Variants in HELLS observed in about 807,000 individuals in gnomAD.
The protein encoded by HELLS is helicase, lymphoid specific, also known as lymphoid-specific helicase.
In HELLS, 32 loss-of-function variants were observed where a neutral mutation model predicts 120.0. The ratio of observed to expected loss-of-function variants is 0.27; its 90% CI spans 0.20 to 0.36. The LOEUF (loss-of-function observed/expected upper bound fraction) is 0.36, where lower values mean the gene tolerates loss of function less well. HELLS is among the 10% of genes least tolerant of loss of function. The probability of loss-of-function intolerance (pLI) is 1.00; values close to 1 mark genes in which losing one functional copy is unlikely to be tolerated. For synonymous variants in HELLS, 341 were observed against 323.4 expected (o/e 1.05, Z -0.58); for missense variants, 650 against 993.4 (o/e 0.65, Z 4.65).
chr10:94,566,126 C>T (rs1444914542), intron 6 of HELLS, among the ~76,000 whole-genome samples: 1 of 151,966 alleles, frequency 6.6e-6, no homozygotes, highest in Non-Finnish European at 1.5e-5. Flanking sequence ...TTTTTGGGCT[C>T]CTGCCTCGGC....
At chr10:94,554,289 A>T in intron 3 of HELLS, 41 bp downstream of exon 3, 1 of 1,419,936 alleles carries the variant, frequency 7.0e-7, no homozygotes, top group East Asian at 2.5e-5. Flanking sequence ...GCTTAAAAAA[A>T]TTTAAAAATA....
At chr10:94,570,357 C>T (rs1362638227) in intron 6 of HELLS, 3 of 152,112 alleles carry the variant, frequency 2.0e-5, no homozygotes, top group African/African-American at 7.2e-5. Flanking sequence ...TTTTACAGGA[C>T]AGCTTTTATC....
chr10:94,587,544 C>T (rs187269466), intron 12 of HELLS, among the ~76,000 whole-genome samples: 2 of 152,254 alleles, frequency 1.3e-5, no homozygotes, highest in Non-Finnish European at 2.9e-5. Flanking sequence ...TCTCCTGCCT[C>T]AGCCTCTTGA....
At chr10:94,580,162 T>TATATACAC (rs1396139651) in intron 10 of HELLS, among the ~76,000 whole-genome samples, 2 of 47,600 alleles carry the variant, frequency 4.2e-5, no homozygotes, top group African/African-American at 8.6e-5. Context: ...TATATATATA[T>TATATACAC]ACACACACAC....
At chr10:94,547,673 A>G (rs1201615035) in intron 2 of HELLS, among the ~76,000 whole-genome samples, 2 of 152,196 alleles carry the variant, frequency 1.3e-5, no homozygotes, top group East Asian at 3.8e-4. Flanking sequence ...AGTATAAACA[A>G]TTGCTATTAT....
At chr10:94,582,296 G>A (rs1226434280) in intron 11 of HELLS, among the ~76,000 whole-genome samples, 2 of 152,130 alleles carry the variant, frequency 1.3e-5, no homozygotes, top group Non-Finnish European at 2.9e-5. Flanking sequence ...AAGAATTCCA[G>A]GTCCTGTGCA....
chr10:94,575,996 C>A (rs898555551), intron 9 of HELLS, among the ~76,000 whole-genome samples: 1 of 152,094 alleles, frequency 6.6e-6, no homozygotes, highest in Non-Finnish European at 1.5e-5. Context: ...GGGGTTTCTC[C>A]ATGTTGGTCA....
At chr10:94,607,246 G>A (rs1352127490) in intron 8 of HELLS, among the ~76,000 whole-genome samples, 2 of 152,120 alleles carry the variant, frequency 1.3e-5, no homozygotes, top group African/African-American at 4.8e-5. Flanking sequence ...GGGTTTTTTA[G>A]TGAAAACCTC....
intron 15 of HELLS, among the ~76,000 whole-genome samples, chr10:94,591,263 C>A (rs1845476528): frequency 1.3e-5 from 2 of 152,126 alleles, no homozygotes; most frequent in South Asian, 4.1e-4. Flanking sequence ...TTCACTATTT[C>A]TTTTATCATT....
Position 94,601,760 on chromosome 10 carries a change from A to G in HELLS, c.*138A>G. On this transcript the variant is annotated 3_prime_UTR_variant, in exon 22 of 22. Transcript: ENST00000348459. ...TGTAACTAGTACCATGCGTACTTAA[A>G]TAGATGGTAATTTTCTGAGCCTTAC... 1 of 499,838 alleles carries G rather than the reference A, an allele frequency of 2.0e-6. No individual in the cohort carries two copies. The highest frequency in any genetic ancestry group is 3.5e-6 in the Non-Finnish European group (1 of 281,700). 31.0% of individuals were successfully genotyped at this position (499,838 alleles called of 1,614,324 possible). A position where few individuals can be genotyped will look rare whatever the true frequency, so the allele number is the denominator to read the frequency against.
At chr10:94,597,226 T>C in intron 21 of HELLS, 115 bp downstream of exon 21, 2 of 573,800 alleles carry the variant, frequency 3.5e-6, no homozygotes, top group Middle Eastern at 3.2e-4. Flanking sequence ...TGTTTTATTG[T>C]CATTTTTCTT....
At chr10:94,607,811 G>T in intron 8 of HELLS, 1 of 255,364 alleles carries the variant, frequency 3.9e-6, no homozygotes, top group East Asian at 1.5e-4. Flanking sequence ...TGCAGCCTCT[G>T]CCTCCGAGCG....
At chr10:94,580,156 T>TATATA (rs1844780996) in intron 10 of HELLS, among the ~76,000 whole-genome samples, 12 of 49,204 alleles carry the variant, frequency 2.4e-4, no homozygotes, top group African/African-American at 1.4e-3. Context: ...TATATATATA[T>TATATA]ATATATACAC....
In HELLS at chr10:94,579,859, C is replaced by A. The variant is rs79615890; in HGVS notation, c.1033-1467C>A. The stretch of plus-strand genomic sequence containing the variant: ...TCTACTCAGTAGTATAACATGAAGA[C>A]CCTTCCTGTAATGAAATAGTTAAGC... On this transcript the variant is annotated intron_variant, in intron 10 of 21. Transcript: ENST00000348459. Among the ~76,000 whole-genome samples, 4 of 152,082 alleles carry A rather than the reference C, an allele frequency of 2.6e-5. No homozygotes were observed. The East Asian group carries it at 7.7e-4, about 29-fold the overall frequency.
chr10:94,577,037 C>A, intron 10 of HELLS: 1 of 594,412 alleles, frequency 1.7e-6, no homozygotes, highest in Non-Finnish European at 3.0e-6. Context: ...TAACCTATGG[C>A]TTAGAATCAT....
intron 6 of HELLS, among the ~76,000 whole-genome samples, chr10:94,563,847 G>C (rs1843668989): frequency 7.7e-6 from 1 of 129,974 alleles, no homozygotes; most frequent in African/African-American, 2.9e-5. Flanking sequence ...ATTTACCCTT[G>C]CTGCCCAGGC....
intron 4 of HELLS, among the ~76,000 whole-genome samples, 157 bp downstream of exon 4, chr10:94,558,352 C>T (rs1210503494): frequency 2.6e-5 from 4 of 152,092 alleles, no homozygotes; most frequent in African/African-American, 9.7e-5. Context: ...AAAATCTGTT[C>T]CTCACTATTT....
chr10:94,604,375 C>T (rs568640105), downstream of HELLS, among the ~76,000 whole-genome samples: 258 of 152,150 alleles, frequency 1.7e-3, no homozygotes, highest in African/African-American at 5.6e-3. Context: ...TCATCTGCCT[C>T]GGACTAAGTG....
chr10:94,593,392 C>T lies in HELLS; in HGVS notation c.1972-107C>T, dbSNP rs1845586080. 4.5e-6 allele frequency: 3 copies of T among 663,662 alleles called. No individual in the cohort carries two copies. The Admixed American group carries it at 7.7e-5, about 17-fold the overall frequency. The allele number at this position is 663,662 out of a possible 1,614,324, so 41.1% of individuals were successfully genotyped here. On this transcript the variant is annotated intron_variant, in intron 17 of 21. Transcript: ENST00000348459. The stretch of plus-strand genomic sequence containing the variant: ...TATAGATCTGAATGATTTGTTTGGC[C>T]TCCTTTGTTTAAGTCTTTAATAGTT...
Sources: allele counts gnomAD v4.1 joint callset (sites outside exome capture counted in the v4.1 genomes callset), GRCh38; gene constraint gnomAD v4.1.1; transcripts MANE v1.5; gene names NCBI Gene and HGNC (gene_info 2026-07-23, HGNC 2026-07-21).